The following RGL1 variants were observed in gnomAD, a reference collection of about 807,000 sequenced individuals.
RGL1 encodes the protein ral guanine nucleotide dissociation stimulator like 1, also known as ral guanine nucleotide dissociation stimulator-like 1.
In RGL1, 24 loss-of-function variants were observed where a neutral mutation model predicts 95.2. That is an observed-to-expected ratio of 0.25 (90% CI 0.18 to 0.35). The LOEUF (loss-of-function observed/expected upper bound fraction) is 0.35, where lower values mean the gene tolerates loss of function less well. Among genes scored for constraint, RGL1 ranks in the 10% least tolerant of loss-of-function variants. The pLI, the probability that RGL1 is intolerant of heterozygous loss-of-function variation, is 1.00. For synonymous variants in RGL1, 329 were observed against 344.9 expected (o/e 0.95, Z 0.51); for missense variants, 715 against 936.3 (o/e 0.76, Z 3.08).
chr1:183,780,778 A>G (rs78073068), intron 2 of RGL1, among the ~76,000 whole-genome samples: 2 of 152,200 alleles, frequency 1.3e-5, no homozygotes, highest in African/African-American at 4.8e-5. Flanking sequence ...ATAAATAATG[A>G]AATATGCCAC....
chr1:183,775,379 C>T (rs1305063710), intron 2 of RGL1, among the ~76,000 whole-genome samples: 1 of 152,216 alleles, frequency 6.6e-6, no homozygotes. Context: ...ATGCAGTGCA[C>T]TGATTTAATT....
chr1:183,821,612 C>T (rs2102459265), intron 2 of RGL1, among the ~76,000 whole-genome samples: 1 of 152,206 alleles, frequency 6.6e-6, no homozygotes, highest in South Asian at 2.1e-4. Flanking sequence ...TTCTGGGACT[C>T]TTCAACTAGA....
intron 2 of RGL1, among the ~76,000 whole-genome samples, chr1:183,780,723 A>G (rs1258956715): frequency 2.0e-5 from 3 of 152,108 alleles, no homozygotes; most frequent in African/African-American, 7.2e-5. Context: ...AGCGCGGTGG[A>G]CTCTTTTGAG....
chr1:183,673,988 T>C (rs1376696044), intron 1 of RGL1, among the ~76,000 whole-genome samples: 1 of 152,214 alleles, frequency 6.6e-6, no homozygotes, highest in Non-Finnish European at 1.5e-5. Flanking sequence ...CCAACCTACC[T>C]GAATTATGTC....
At chr1:183,646,219 C>T (rs1303134991) in intron 1 of RGL1, among the ~76,000 whole-genome samples, 1 of 152,152 alleles carries the variant, frequency 6.6e-6, no homozygotes, top group Non-Finnish European at 1.5e-5. Context: ...ACTATATACC[C>T]AGAATAAAAC....
intron 1 of RGL1, among the ~76,000 whole-genome samples, chr1:183,731,023 A>G (rs1048126569): frequency 2.0e-5 from 3 of 152,172 alleles, no homozygotes; most frequent in African/African-American, 7.2e-5. Flanking sequence ...TTGCAAGTGT[A>G]TAAGTCATTT....
intron 1 of RGL1, among the ~76,000 whole-genome samples, chr1:183,663,705 A>G (rs1437142032): frequency 1.3e-5 from 2 of 151,834 alleles, no homozygotes; most frequent in African/African-American, 2.4e-5. Flanking sequence ...CAGCCATCCC[A>G]TTACTGGGTA....
chr1:183,641,734 T>C (rs1572209956), intron 1 of RGL1, among the ~76,000 whole-genome samples: 1 of 152,242 alleles, frequency 6.6e-6, no homozygotes, highest in African/African-American at 2.4e-5. Context: ...AAAATTATCA[T>C]GCTATTTGGT....
At chr1:183,728,503 G>A (rs1183489298) in intron 1 of RGL1, among the ~76,000 whole-genome samples, 1 of 152,118 alleles carries the variant, frequency 6.6e-6, no homozygotes, top group Non-Finnish European at 1.5e-5. Context: ...ACATTTCTAT[G>A]TGAAATTTAA....
intron 12 of RGL1, 82 bp downstream of exon 12, chr1:183,902,682 G>A: frequency 7.1e-7 from 1 of 1,399,186 alleles, no homozygotes; most frequent in South Asian, 1.3e-5. Flanking sequence ...TTTTTGTAGA[G>A]GCAGAAAAAA....
intron 13 of RGL1, among the ~76,000 whole-genome samples, chr1:183,906,572 A>G (rs1456178694): frequency 6.6e-6 from 1 of 152,144 alleles, no homozygotes; most frequent in African/African-American, 2.4e-5. Flanking sequence ...TTTTCTTTAG[A>G]TAAAACTAAG....
At chr1:183,913,402 G>A (rs1668779844) in intron 15 of RGL1, among the ~76,000 whole-genome samples, 1 of 151,920 alleles carries the variant, frequency 6.6e-6, no homozygotes, top group African/African-American at 2.4e-5. Context: ...CACCATGTTG[G>A]CCAGGTTGGT....
In RGL1 at chr1:183,658,982, C is replaced by T. The variant is rs1022705020; in HGVS notation, c.-33+22481C>T. Among the ~76,000 whole-genome samples, 710 of 151,940 alleles carry T rather than the reference C, an allele frequency of 4.7e-3. 3 individuals carry two copies. Among genetic ancestry groups the T allele is most frequent in the African/African-American group, 0.016 (671 of 41,250 alleles). ...GGACCTCTAGCAAACTCCAACAGAC[C>T]TGCAGCTGAGGGTCCTGTCTGTTAG... On this transcript the variant is annotated intron_variant, in intron 1 of 18. Coordinates refer to the RGL1 transcript ENST00000304685.
chr1:183,642,412 G>A (rs1260743550), intron 1 of RGL1, among the ~76,000 whole-genome samples: 2 of 152,170 alleles, frequency 1.3e-5, no homozygotes, highest in African/African-American at 4.8e-5. Flanking sequence ...TGTGGGAACC[G>A]AGTATGTCAG....
intron 1 of RGL1, among the ~76,000 whole-genome samples, chr1:183,674,087 A>C (rs868017374): frequency 1.8e-4 from 27 of 152,230 alleles, no homozygotes; most frequent in Middle Eastern, 6.8e-3. Context: ...TCCTGGACTC[A>C]TCTTTCCACA....
chr1:183,886,932 A>G (rs1038204793), intron 7 of RGL1, among the ~76,000 whole-genome samples: 5 of 152,086 alleles, frequency 3.3e-5, no homozygotes, highest in African/African-American at 1.2e-4. Flanking sequence ...ATGGGACCAG[A>G]TGCCTTTTGT....
At chr1:183,790,538 G>C (rs1660396085) in intron 2 of RGL1, among the ~76,000 whole-genome samples, 1 of 152,136 alleles carries the variant, frequency 6.6e-6, no homozygotes, top group South Asian at 2.1e-4. Flanking sequence ...CCTTAGTTGG[G>C]TATGTATGAC....
At position 183,912,152 on chromosome 1, in the gene RGL1, G is replaced by A. The variant is rs534149806; in HGVS notation, c.1633G>A (p.Gly545Arg). The change falls in exon 15 of 18, where the codon GGG (glycine) becomes AGG (arginine). Residue 545 changes from glycine (G) to arginine (R), a missense_variant. By Grantham distance (125) the Gly-to-Arg change is moderately radical. Coordinates refer to ENST00000360851, the MANE Select transcript of RGL1 (RefSeq NM_001297671.3). The stretch of plus-strand genomic sequence containing the variant: ...AGAGCAGCCCAAGTCCACTGCCAGC[G>A]GGAGCTCTGGTGAAAGCATGGACTC... ...TKEQPKSTAS[G>R]SSGESMDSVS... 1.9e-6 allele frequency: 3 copies of A among 1,614,074 alleles called. No homozygotes were observed. Among genetic ancestry groups the A allele is most frequent in the East Asian group, 2.2e-5 (1 of 44,876 alleles).
chr1:183,825,959 A>G (rs1016001549), intron 2 of RGL1, among the ~76,000 whole-genome samples: 1 of 152,016 alleles, frequency 6.6e-6, no homozygotes, highest in African/African-American at 2.4e-5. Flanking sequence ...GCCCAGGAGT[A>G]TGAGACCAGC....
Sources: gnomAD v4.1 joint callset for allele counts (sites outside exome capture counted in the v4.1 genomes callset) on GRCh38, gnomAD v4.1.1 for gene constraint, MANE v1.5 for transcripts, NCBI Gene and HGNC (gene_info 2026-07-23, HGNC 2026-07-21) for gene names.